The following PTCHD1 variants were observed in gnomAD, a reference collection of about 807,000 sequenced individuals.
The protein encoded by PTCHD1 is patched domain containing 1, also known as patched domain-containing protein 1.
A neutral mutation model predicts 34.6 loss-of-function variants in PTCHD1; 3 were observed. The observed-to-expected ratio is 0.09, with a 90% confidence interval of 0.04 to 0.22. PTCHD1 has a LOEUF of 0.22. Ranked by LOEUF, PTCHD1 falls within the 10% of genes least tolerant of loss-of-function variation. The probability of loss-of-function intolerance (pLI) is 1.00; values close to 1 mark genes in which losing one functional copy is unlikely to be tolerated. For missense variants in PTCHD1, 504 were observed against 685.5 expected (o/e 0.74, Z 2.96); for synonymous variants, 305 against 283.1 (o/e 1.08, Z -0.77).
Position 23,393,670 on chromosome X carries a change from G to A in PTCHD1, c.2152G>A (p.Val718Met), listed in dbSNP as rs1922897302. 3.3e-6 allele frequency: 4 copies of A among 1,210,222 alleles called. No homozygotes were observed. Among genetic ancestry groups the A allele is most frequent in the African/African-American group, 3.5e-5 (2 of 57,198 alleles). ...CCTGCTCTTCTTCTCGGCATTCCTGGTGGCAGATTCACTGATTAACGTCTG... is the reference window on the plus strand; with the variant it reads ...CCTGCTCTTCTTCTCGGCATTCCTGATGGCAGATTCACTGATTAACGTCTG... The part of the protein sequence containing the change: ...LFLLFFSAFL[V>M]ADSLINVWIT... Residue 718 changes from valine to methionine, a missense_variant, in exon 3 of 3, where the codon GTG becomes ATG. Transcript: ENST00000379361.
intron 1 of PTCHD1, among the ~76,000 whole-genome samples, chrX:23,369,121 G>A (rs1344574685): frequency 8.9e-6 from 1 of 112,194 alleles, no homozygotes; most frequent in East Asian, 2.8e-4. Context: ...TTTGACTGAT[G>A]AAAGTCTTCT....
In PTCHD1 at chrX:23,375,329, G is replaced by T. The variant is rs1420747145; in HGVS notation, c.352-4262G>T. 8.4e-5 allele frequency among the ~76,000 whole-genome samples: 8 copies of T among 95,047 alleles called. No homozygotes were observed. The South Asian group carries it at 3.6e-3, about 43-fold the overall frequency. The allele number at this position is 95,047 out of a possible 115,157, so 82.5% of individuals were successfully genotyped here. On this transcript the variant is annotated intron_variant, in intron 1 of 2. Coordinates refer to ENST00000379361, the MANE Select transcript of PTCHD1 (RefSeq NM_173495.3). ...TTTTGAGACGGAGTCTCGTTCTGTC[G>T]CCCAGGCGGGAGTGCTGTGGCGCGA...
intron 1 of PTCHD1, among the ~76,000 whole-genome samples, chrX:23,335,819 G>A (rs759852140): frequency 4.5e-5 from 5 of 111,622 alleles, no homozygotes; most frequent in Non-Finnish European, 9.4e-5. Flanking sequence ...GAGGACAGGG[G>A]GCTGCCCTGC....
At chrX:23,378,008 A>G (rs1341083772) in intron 1 of PTCHD1, among the ~76,000 whole-genome samples, 1 of 112,021 alleles carries the variant, frequency 8.9e-6, no homozygotes, top group Non-Finnish European at 1.9e-5. Context: ...TTCATCAGAT[A>G]TGTCATAATG....
In PTCHD1 at chrX:23,403,729, T is replaced by A. The variant is rs1271821171; in HGVS notation, c.*9544T>A. Reference sequence around the variant, plus strand: ...CGTGGATATAAACAGAAATGTTTTATCTGAAGAGGCTGTGTATGCCACCCC... The same window carrying A: ...CGTGGATATAAACAGAAATGTTTTAACTGAAGAGGCTGTGTATGCCACCCC... On this transcript the variant is annotated 3_prime_UTR_variant, in exon 3 of 3. Transcript: ENST00000379361. The A allele has an allele frequency of 9.0e-6, 1 of 111,701 alleles. No individual in the cohort carries two copies. Among genetic ancestry groups the A allele is most frequent in the Non-Finnish European group, 1.9e-5 (1 of 53,175 alleles). The allele number at this position is 111,701 out of a possible 1,213,427, so 9.2% of individuals were successfully genotyped here.
At chrX:23,378,687 G>A (rs933081947) in intron 1 of PTCHD1, among the ~76,000 whole-genome samples, 1 of 112,032 alleles carries the variant, frequency 8.9e-6, no homozygotes, top group Non-Finnish European at 1.9e-5. Context: ...TCTGTAAAAT[G>A]AAGCTAGTAC....
chrX:23,372,382 T>C (rs1434595480), intron 1 of PTCHD1, among the ~76,000 whole-genome samples: 1 of 110,985 alleles, frequency 9.0e-6, no homozygotes, highest in Non-Finnish European at 1.9e-5. Context: ...GAATGTTTCA[T>C]GTCAGGCGCC....
chrX:23,351,135 A>G, intron 1 of PTCHD1: 1 of 566,793 alleles, frequency 1.8e-6, no homozygotes, highest in Non-Finnish European at 2.9e-6. Context: ...CTGGAGGAGG[A>G]AGCCAACATC....
rs1403390172 is a variant in PTCHD1, at chrX:23,398,510, C to G, written c.*4325C>G. 3.6e-5 allele frequency: 4 copies of G among 111,362 alleles called. No individual in the cohort carries two copies. The highest frequency in any genetic ancestry group is 7.5e-5 in the Non-Finnish European group (4 of 53,041). The allele number at this position is 111,362 out of a possible 1,213,427, so 9.2% of individuals were successfully genotyped here. On this transcript the variant is annotated 3_prime_UTR_variant, in exon 3 of 3. Transcript: ENST00000379361. ...ACCACTGATTACTGAATAACTGTGG[C>G]TGGCTTGTCTGAGGGAATGTAAACA...
chrX:23,377,443 T>C (rs1922438883), intron 1 of PTCHD1, among the ~76,000 whole-genome samples: 1 of 111,781 alleles, frequency 8.9e-6, no homozygotes, highest in Non-Finnish European at 1.9e-5. Flanking sequence ...CACTGGGCCA[T>C]GCTTAGAGAA....
intron 1 of PTCHD1, among the ~76,000 whole-genome samples, chrX:23,353,609 CAA>C (rs200478194): frequency 1.0e-5 from 1 of 96,400 alleles, no homozygotes; most frequent in African/African-American, 3.5e-5. Flanking sequence ...CAAAACAAAA[CAA>C]AAAAAAAAAA....
At chrX:23,350,973 C>A in intron 1 of PTCHD1, 47 of 204,519 alleles carry the variant, frequency 2.3e-4, no homozygotes, top group East Asian at 2.6e-4. Flanking sequence ...CTACTGGATT[C>A]CCATGAAAAT....
Position 23,335,244 on chromosome X carries a change from C to T in PTCHD1, c.351+18C>T. 8.6e-7 allele frequency: 1 copy of T among 1,164,477 alleles called. No homozygotes were observed. On this transcript the variant is annotated intron_variant, in intron 1 of 2. Coordinates refer to ENST00000379361, the MANE Select transcript of PTCHD1 (RefSeq NM_173495.3). ...TCTTAAAGGTGAGAGGGGACGGGTG[C>T]GGGCAGACTCCGCCAGCGCCGCGGC...
chrX:23,366,391 G>C (rs747125237), intron 1 of PTCHD1, among the ~76,000 whole-genome samples: 4 of 112,209 alleles, frequency 3.6e-5, no homozygotes, highest in African/African-American at 1.3e-4. Flanking sequence ...ACAAGGCCTT[G>C]TGTGATTGGG....
At chrX:23,364,422 C>T (rs1922080543) in intron 1 of PTCHD1, among the ~76,000 whole-genome samples, 2 of 105,661 alleles carry the variant, frequency 1.9e-5, no homozygotes, top group Admixed American at 2.0e-4. Context: ...ACACCGTATT[C>T]AGTGACCCTG....
At chrX:23,341,202 A>G (rs1921299299) in intron 1 of PTCHD1, among the ~76,000 whole-genome samples, 1 of 111,824 alleles carries the variant, frequency 8.9e-6, no homozygotes, top group Non-Finnish European at 1.9e-5. Flanking sequence ...GTAATGACTC[A>G]TGGCATCTTG....
rs1922982850 is a variant in PTCHD1, at chrX:23,396,075, A to C, written c.*1890A>C. On this transcript the variant is annotated 3_prime_UTR_variant, in exon 3 of 3. Transcript: ENST00000379361. Reference sequence around the variant, plus strand: ...GACATTTTTTTAGTGTCTGGAATTAAAATGTTTGAGGTTTAGGTTTGCCAT... The same window carrying C: ...GACATTTTTTTAGTGTCTGGAATTACAATGTTTGAGGTTTAGGTTTGCCAT... The C allele has an allele frequency of 8.9e-6, 1 of 112,366 alleles. No individual in the cohort carries two copies. The highest frequency in any genetic ancestry group is 3.2e-5 in the African/African-American group (1 of 30,880). 9.3% of individuals were successfully genotyped at this position (112,366 alleles called of 1,213,427 possible).
At chrX:23,386,335 G>A (rs1315360836) in intron 2 of PTCHD1, among the ~76,000 whole-genome samples, 1 of 111,586 alleles carries the variant, frequency 9.0e-6, no homozygotes, top group African/African-American at 3.3e-5. Flanking sequence ...CAATGCTCTG[G>A]TTAGAATTTT....
chrX:23,347,772 G>A (rs1009346501), intron 1 of PTCHD1, among the ~76,000 whole-genome samples: 3 of 111,814 alleles, frequency 2.7e-5, no homozygotes, highest in African/African-American at 9.8e-5. Context: ...CTGGGAAGCC[G>A]AGGTGGAAGG....
Sources: allele counts gnomAD v4.1 joint callset (sites outside exome capture counted in the v4.1 genomes callset), GRCh38; gene constraint gnomAD v4.1.1; transcripts MANE v1.5; gene names NCBI Gene and HGNC (gene_info 2026-07-23, HGNC 2026-07-21).